CDH18: variants seen among roughly 807,000 people sequenced by gnomAD.
CDH18 encodes the protein cadherin-18.
In CDH18, 31 loss-of-function variants were observed where a neutral mutation model predicts 67.9. The observed-to-expected ratio is 0.46, with a 90% CI of 0.34 to 0.62. CDH18 has a LOEUF of 0.62. Ranked by LOEUF, CDH18 falls within the 20% of genes least tolerant of loss-of-function variation. The pLI is 0.01. For missense variants in CDH18, 890 were observed against 975.5 expected, an observed-to-expected ratio of 0.91 and a Z score of 1.17; for synonymous variants, 362 against 347.2, an observed-to-expected ratio of 1.04 and a Z score of -0.48.
intron 2 of CDH18, among the ~76,000 whole-genome samples, chr5:19,919,288 A>T (rs1792177456): frequency 1.3e-5 from 2 of 152,126 alleles, no homozygotes; most frequent in African/African-American, 2.4e-5. Context: ...TTATATGTAT[A>T]ATACATAGGT....
chr5:19,640,148 A>T (rs1003390142), intron 5 of CDH18, among the ~76,000 whole-genome samples: 1 of 152,188 alleles, frequency 6.6e-6, no homozygotes, highest in Non-Finnish European at 1.5e-5. Context: ...TAAAACATAA[A>T]CATATGAAAT....
chr5:19,624,815 C>T lies in CDH18; in HGVS notation c.644-12214G>A, dbSNP rs188012377. On this transcript the variant is annotated intron_variant, in intron 5 of 12. Coordinates refer to ENST00000382275, the MANE Select transcript of CDH18 (RefSeq NM_004934.5). ...CCTTAATCTCTAGTACAAGCCCTTC[C>T]GATGTTGATTAAGGTTGCATGCTAC... 9.2e-5 allele frequency among the ~76,000 whole-genome samples: 14 copies of T among 152,194 alleles called. 1 individual carries two copies. Among genetic ancestry groups the T allele is most frequent in the African/African-American group, 2.9e-4 (12 of 41,522 alleles).
chr5:19,755,431 G>GTATA (rs1256145011), intron 3 of CDH18, among the ~76,000 whole-genome samples: 32 of 77,336 alleles, frequency 4.1e-4, no homozygotes, highest in African/African-American at 1.2e-3. Flanking sequence ...AACAGGGTAT[G>GTATA]TATATATATA....
chr5:19,702,134 C>T (rs920430845), intron 5 of CDH18, among the ~76,000 whole-genome samples: 44 of 139,414 alleles, frequency 3.2e-4, no homozygotes, highest in African/African-American at 1.2e-3. Context: ...AGTGTTCTTT[C>T]TTTCTTTCTC....
chr5:20,005,769 T>C (rs995552561), intron 2 of CDH18, among the ~76,000 whole-genome samples: 2 of 152,020 alleles, frequency 1.3e-5, no homozygotes, highest in Admixed American at 6.5e-5. Context: ...AGGTTAATTT[T>C]GCCTAATTAT....
intron 1 of CDH18, among the ~76,000 whole-genome samples, chr5:20,573,201 C>G (rs12658541): frequency 0.28 from 42,559 of 151,740 alleles, 6,781 homozygotes; most frequent in Middle Eastern, 0.41. Context: ...TGTCCTAGTG[C>G]AAGAAGCAAA....
At chr5:20,482,174 C>T (rs6869209) in intron 1 of CDH18, among the ~76,000 whole-genome samples, 27,900 of 151,676 alleles carry the variant, frequency 0.18, 3,188 homozygotes, top group East Asian at 0.39. Context: ...TGCCAACCAA[C>T]TAAAAAATCT....
At chr5:19,884,880 A>G (rs1788035304) in intron 2 of CDH18, among the ~76,000 whole-genome samples, 1 of 152,160 alleles carries the variant, frequency 6.6e-6, no homozygotes, top group Non-Finnish European at 1.5e-5. Flanking sequence ...GTTATCAAAT[A>G]ATAGCATTTA....
At chr5:20,100,956 AT>A (rs1392873504) in intron 2 of CDH18, among the ~76,000 whole-genome samples, 2 of 151,966 alleles carry the variant, frequency 1.3e-5, no homozygotes, top group Admixed American at 1.3e-4. Context: ...AATCTGAGGA[AT>A]TTTTTTCCTT....
At chr5:19,673,906 A>C (rs550892262) in intron 5 of CDH18, among the ~76,000 whole-genome samples, 1 of 152,106 alleles carries the variant, frequency 6.6e-6, no homozygotes, top group Non-Finnish European at 1.5e-5. Flanking sequence ...ACGAGGGTCC[A>C]AGCAGTCTTA....
At chr5:20,552,453 G>A (rs1757683166) in intron 1 of CDH18, among the ~76,000 whole-genome samples, 1 of 151,968 alleles carries the variant, frequency 6.6e-6, no homozygotes, top group Admixed American at 6.6e-5. Flanking sequence ...CTCCAGTCTG[G>A]GTGAGAGAGT....
intron 2 of CDH18, among the ~76,000 whole-genome samples, chr5:19,931,440 T>C (rs1412009089): frequency 6.6e-6 from 1 of 151,950 alleles, no homozygotes; most frequent in East Asian, 1.9e-4. Flanking sequence ...ATAAATATTT[T>C]CCCTGTAATG....
At chr5:19,995,133 G>A (rs985965597) in intron 2 of CDH18, among the ~76,000 whole-genome samples, 4 of 151,692 alleles carry the variant, frequency 2.6e-5, no homozygotes, top group African/African-American at 9.7e-5. Flanking sequence ...ACATTGACAA[G>A]GGTAGTCTAC....
At chr5:20,023,684 GTATT>G (rs1561723384) in intron 2 of CDH18, among the ~76,000 whole-genome samples, 1 of 150,220 alleles carries the variant, frequency 6.7e-6, no homozygotes, top group East Asian at 2.0e-4. Flanking sequence ...AAAAAGAAAG[GTATT>G]TATTTATGTA....
At chr5:20,294,853 T>A (rs1508579) in intron 1 of CDH18, among the ~76,000 whole-genome samples, 17,882 of 152,142 alleles carry the variant, frequency 0.12, 1,586 homozygotes, top group African/African-American at 0.24. Context: ...ATACATATAC[T>A]TACATATATA....
chr5:19,958,158 T>C (rs1796438455), intron 2 of CDH18, among the ~76,000 whole-genome samples: 1 of 151,664 alleles, frequency 6.6e-6, no homozygotes, highest in Non-Finnish European at 1.5e-5. Flanking sequence ...TGATATCCAG[T>C]GTGAACGAAG....
chr5:19,838,696 T>C, intron 3 of CDH18, 63 bp downstream of exon 3: 2 of 1,071,224 alleles, frequency 1.9e-6, no homozygotes, highest in Non-Finnish European at 2.8e-6. Context: ...TTCTCCAACA[T>C]GAGCTCATCT....
chr5:19,979,517 T>C (rs1001681121), intron 2 of CDH18, among the ~76,000 whole-genome samples: 10 of 152,220 alleles, frequency 6.6e-5, no homozygotes, highest in African/African-American at 2.4e-4. Context: ...CTGGGGAAAC[T>C]TCATATTTTG....
intron 1 of CDH18, among the ~76,000 whole-genome samples, chr5:20,348,671 G>A (rs755163874): frequency 2.0e-5 from 3 of 152,090 alleles, no homozygotes; most frequent in African/African-American, 4.8e-5. Flanking sequence ...ATACAAGACA[G>A]GGAAAAGCAC....
Sources: gnomAD v4.1 joint callset for allele counts (sites outside exome capture counted in the v4.1 genomes callset) on GRCh38, gnomAD v4.1.1 for gene constraint, MANE v1.5 for transcripts, NCBI Gene and HGNC (gene_info 2026-07-23, HGNC 2026-07-21) for gene names.